The following HSD17B12 variants were observed in gnomAD, a reference collection of about 807,000 sequenced individuals.
HSD17B12 encodes hydroxysteroid 17-beta dehydrogenase 12, also known as very-long-chain 3-oxoacyl-CoA reductase.
A neutral mutation model predicts 39.3 loss-of-function variants in HSD17B12; 32 were observed. The observed-to-expected ratio is 0.81, with a 90% CI of 0.61 to 1.09. The LOEUF is 1.09. HSD17B12 is among the 50% of genes least tolerant of loss of function. The pLI, the probability that HSD17B12 is intolerant of heterozygous loss-of-function variation, is 0.00. For synonymous variants in HSD17B12, 150 were observed against 146.7 expected, an observed-to-expected ratio of 1.02 and a Z score of -0.16; for missense variants, 342 against 382.9, an observed-to-expected ratio of 0.89 and a Z score of 0.89.
chr11:43,815,691 C>T (rs1951115854), intron 5 of HSD17B12, among the ~76,000 whole-genome samples, 190 bp downstream of exon 5: 1 of 152,154 alleles, frequency 6.6e-6, no homozygotes, highest in African/African-American at 2.4e-5. Flanking sequence ...AAATGGGCAG[C>T]TTCATAGGGG....
chr11:43,743,872 G>T (rs549427181), intron 1 of HSD17B12, among the ~76,000 whole-genome samples: 1 of 152,124 alleles, frequency 6.6e-6, no homozygotes, highest in Non-Finnish European at 1.5e-5. Flanking sequence ...AAAATATAAA[G>T]AGTAGAAGAA....
intron 3 of HSD17B12, among the ~76,000 whole-genome samples, chr11:43,769,931 C>T (rs1303976318): frequency 6.6e-6 from 1 of 152,204 alleles, no homozygotes; most frequent in Non-Finnish European, 1.5e-5. Flanking sequence ...AAAATCATTG[C>T]TCAGAAAATT....
intron 1 of HSD17B12, among the ~76,000 whole-genome samples, chr11:43,746,312 T>A (rs1047005016): frequency 2.6e-5 from 4 of 152,246 alleles, no homozygotes; most frequent in African/African-American, 9.6e-5. Flanking sequence ...CATTGTATAC[T>A]GTACAAAAAT....
In HSD17B12 at chr11:43,705,192, A is replaced by C. The variant is rs1309881159; in HGVS notation, c.160+24205A>C. ...ATATGGTTGCAAGTCTTACTGAATA[A>C]ATAAAGTCTCATTCCTGATTATGCT... On this transcript the variant is annotated intron_variant, in intron 1 of 10. Coordinates refer to ENST00000278353, the MANE Select transcript of HSD17B12 (RefSeq NM_016142.3). Among the ~76,000 whole-genome samples, 6 of 152,248 alleles carry C rather than the reference A, an allele frequency of 3.9e-5. No homozygotes were observed. In the East Asian group the frequency reaches 1.2e-3, roughly 29 times the overall value.
intron 1 of HSD17B12, among the ~76,000 whole-genome samples, chr11:43,739,093 T>A (rs188702159): frequency 4.5e-4 from 69 of 152,322 alleles, no homozygotes; most frequent in Admixed American, 1.8e-3. Context: ...ACGAGCAGTT[T>A]CAGCAGTCAA....
At chr11:43,703,684 G>T (rs1949988007) in intron 1 of HSD17B12, among the ~76,000 whole-genome samples, 1 of 151,988 alleles carries the variant, frequency 6.6e-6, no homozygotes, top group South Asian at 2.1e-4. Context: ...ATTTCTTCTA[G>T]ATCTTCCAAT....
intron 1 of HSD17B12, among the ~76,000 whole-genome samples, chr11:43,700,073 TACA>T (rs1314451526): frequency 2.6e-5 from 4 of 152,174 alleles, no homozygotes; most frequent in African/African-American, 9.7e-5. Flanking sequence ...TGGGTATTTA[TACA>T]CCAGTGGCCT....
Position 43,748,792 on chromosome 11 carries a change from C to A in HSD17B12, c.161-2119C>A, listed in dbSNP as rs370206387. ...ACACATGGGTTACCTTTGGAAGATG[C>A]CAGAGTACCAGTTTATTTTGAAAAC... On this transcript the variant is annotated intron_variant, in intron 1 of 10. Coordinates refer to ENST00000278353, the MANE Select transcript of HSD17B12 (RefSeq NM_016142.3). 2.0e-5 allele frequency among the ~76,000 whole-genome samples: 3 copies of A among 151,956 alleles called. No homozygotes were observed. In the East Asian group the frequency reaches 5.8e-4, roughly 29 times the overall value.
chr11:43,722,221 C>CA (rs1463526373), intron 1 of HSD17B12, among the ~76,000 whole-genome samples: 1 of 152,072 alleles, frequency 6.6e-6, no homozygotes, highest in African/African-American at 2.4e-5. Context: ...GACCCTACTG[C>CA]AAAAATAAGT....
intron 6 of HSD17B12, among the ~76,000 whole-genome samples, chr11:43,823,598 T>C (rs1291742376): frequency 1.3e-5 from 2 of 152,284 alleles, no homozygotes; most frequent in Non-Finnish European, 2.9e-5. Context: ...TGAGTCTCTC[T>C]TTCAGTTTAG....
chr11:43,624,475 T>C, the HSD17B12 span, among the ~76,000 whole-genome samples: 1 of 151,882 alleles, frequency 6.6e-6, no homozygotes, highest in East Asian at 1.9e-4. Flanking sequence ...AAACTGGATG[T>C]TATTCCTTGC....
intron 1 of HSD17B12, among the ~76,000 whole-genome samples, chr11:43,681,847 T>C (rs936883861): frequency 4.7e-5 from 7 of 148,014 alleles, no homozygotes; most frequent in Non-Finnish European, 8.9e-5. Context: ...TTTTTTTTCT[T>C]TTTCAACCTA....
At chr11:43,839,889 T>G in intron 8 of HSD17B12, 110 bp from the exon 9 acceptor site, 2 of 897,580 alleles carry the variant, frequency 2.2e-6, no homozygotes, top group Non-Finnish European at 3.5e-6. Flanking sequence ...AAAAAAATGA[T>G]GAGAAATTAT....
chr11:43,663,713 C>T, the HSD17B12 span, among the ~76,000 whole-genome samples: 1 of 152,116 alleles, frequency 6.6e-6, no homozygotes, highest in South Asian at 2.1e-4. Context: ...ATAGTAAGGC[C>T]AACACCTACA....
the HSD17B12 span, among the ~76,000 whole-genome samples, chr11:43,590,185 A>G: frequency 1.3e-5 from 2 of 152,078 alleles, no homozygotes; most frequent in Admixed American, 6.6e-5. Context: ...GGAATTTCAC[A>G]AGTGTCCCAA....
At chr11:43,809,205 T>G (rs1321464738) in intron 4 of HSD17B12, among the ~76,000 whole-genome samples, 1 of 152,234 alleles carries the variant, frequency 6.6e-6, no homozygotes, top group Non-Finnish European at 1.5e-5. Context: ...CTCTTCCTCT[T>G]CCATTTATTA....
chr11:43,714,681 G>A (rs1485813383), intron 1 of HSD17B12, among the ~76,000 whole-genome samples: 1 of 152,168 alleles, frequency 6.6e-6, no homozygotes, highest in African/African-American at 2.4e-5. Flanking sequence ...GTAGCTTGAT[G>A]GGGATGGCAT....
chr11:43,839,137 A>G (rs1951399156), intron 8 of HSD17B12, among the ~76,000 whole-genome samples: 1 of 152,124 alleles, frequency 6.6e-6, no homozygotes, highest in South Asian at 2.1e-4. Flanking sequence ...TTAGGGAAAA[A>G]TAAACAAAAA....
chr11:43,566,657 G>A, the HSD17B12 span, among the ~76,000 whole-genome samples: 4 of 152,018 alleles, frequency 2.6e-5, no homozygotes, highest in African/African-American at 9.7e-5. Context: ...AGCCTCCCAA[G>A]TAGCTGTGAC....
Sources: allele counts gnomAD v4.1 joint callset (sites outside exome capture counted in the v4.1 genomes callset), GRCh38; gene constraint gnomAD v4.1.1; transcripts MANE v1.5; gene names NCBI Gene and HGNC (gene_info 2026-07-23, HGNC 2026-07-21).